The following ZNF695 variants were observed in gnomAD, a reference collection of about 807,000 sequenced individuals.
ZNF695 encodes zinc finger protein SBZF3.
In ZNF695, 11 loss-of-function variants were observed where a neutral mutation model predicts 11.2. The observed-to-expected ratio is 0.98, with a 90% CI of 0.62 to 1.62. The LOEUF is 1.62. ZNF695 is among the 40% of genes most tolerant of loss of function. The probability of loss-of-function intolerance (pLI) is 0.00; values close to 1 mark genes in which losing one functional copy is unlikely to be tolerated. For synonymous variants in ZNF695, 190 were observed against 201.4 expected (o/e 0.94, Z 0.48); for missense variants, 559 against 590.5 (o/e 0.95, Z 0.55).
At chr1:246,972,928 T>A (rs1668463670) in intron 4 of ZNF695, among the ~76,000 whole-genome samples, 1 of 93,266 alleles carries the variant, frequency 1.1e-5, no homozygotes, top group Non-Finnish European at 2.0e-5. Flanking sequence ...ATATTTTTAA[T>A]GTGTATATAT....
At chr1:246,965,401 C>T (rs1160814976) in intron 5 of ZNF695, among the ~76,000 whole-genome samples, 3 of 150,610 alleles carry the variant, frequency 2.0e-5, no homozygotes, top group Admixed American at 6.6e-5. Flanking sequence ...TGAGCTAGCA[C>T]GCTCGGCCCA....
rs576964605 is a variant in ZNF695 at position 247,007,605 on chromosome 1, C to T, written c.3+301G>A. Among the ~76,000 whole-genome samples the T allele has an allele frequency of 7.9e-5, 12 of 152,202 alleles. No homozygotes were observed. The East Asian group carries it at 1.9e-3, about 25-fold the overall frequency. On this transcript the variant is annotated intron_variant, in intron 1 of 3. Coordinates refer to ENST00000339986, the MANE Select transcript of ZNF695 (RefSeq NM_020394.5). ...TCTCCCGACAACCCCTCCGTCATCA[C>T]AGCACAATCCAGGGAAGACGCGGCG...
At chr1:246,984,317 G>A (rs1458773496), downstream of ZNF695, among the ~76,000 whole-genome samples, 4 of 149,578 alleles carry the variant, frequency 2.7e-5, no homozygotes, top group African/African-American at 9.8e-5. Flanking sequence ...GAGCTGGAAT[G>A]CATAAGTAGT....
downstream of ZNF695, among the ~76,000 whole-genome samples, chr1:246,984,188 A>C (rs1000639626): frequency 6.6e-6 from 1 of 150,398 alleles, no homozygotes; most frequent in African/African-American, 2.4e-5. Context: ...AAAAAGAGAA[A>C]GTCCAAATTT....
chr1:247,005,491 AGACCAGCCTGGCCAAGGAGTCC>A (rs1181672161), intron 1 of ZNF695, among the ~76,000 whole-genome samples: 1 of 152,044 alleles, frequency 6.6e-6, no homozygotes, highest in Non-Finnish European at 1.5e-5. Flanking sequence ...CAGGAGTTCG[AGACCAGCCTGGCCAAGGAGTCC>A]GACCAGCCTG....
rs1572523962 is a variant in ZNF695, at chr1:246,985,366, G to A, written c.*1601C>T. The A allele has an allele frequency of 1.0e-6, 1 of 984,624 alleles. No individual in the cohort carries two copies. The highest frequency in any genetic ancestry group is 1.1e-4 in the East Asian group (1 of 8,808). 61.0% of individuals were successfully genotyped at this position (984,624 alleles called of 1,614,324 possible). On this transcript the variant is annotated 3_prime_UTR_variant, in exon 4 of 4. Transcript: ENST00000339986. ...TAGGCTTTATTATAGCCTTAATAAT[G>A]ACACTGTCATTACAAAAAGAGCAAA... is the stretch of plus-strand genomic sequence containing the variant.
Position 247,007,919 on chromosome 1 carries a change from T to C in ZNF695, c.-11A>G. On this transcript the variant is annotated 5_prime_UTR_variant, in exon 1 of 4. Coordinates refer to ENST00000339986, the MANE Select transcript of ZNF695 (RefSeq NM_020394.5). ...CCGCACACTCACCATTTCCCAGCTT[T>C]TGGGGGTCCCAGCGTCCTCCCTATA... 9 of 1,530,678 alleles carry C rather than the reference T, an allele frequency of 5.9e-6. No individual in the cohort carries two copies. Among genetic ancestry groups the C allele is most frequent in the South Asian group, 1.2e-5 (1 of 80,798 alleles). The allele number at this position is 1,530,678 out of a possible 1,614,324, so 94.8% of individuals were successfully genotyped here. A position where few individuals can be genotyped will look rare whatever the true frequency, so the allele number is the denominator to read the frequency against.
intron 5 of ZNF695, among the ~76,000 whole-genome samples, chr1:246,960,897 G>A (rs1410852570): frequency 6.6e-6 from 1 of 152,120 alleles, no homozygotes; most frequent in African/African-American, 2.4e-5. Context: ...CAGCCTGGGT[G>A]GAGACCCTGT....
chr1:247,001,847 C>T (rs938009666), intron 1 of ZNF695, among the ~76,000 whole-genome samples: 1 of 151,450 alleles, frequency 6.6e-6, no homozygotes, highest in African/African-American at 2.4e-5. Context: ...ATTCATAAAA[C>T]TATTTCTTAG....
intron 1 of ZNF695, among the ~76,000 whole-genome samples, chr1:247,005,692 CA>C (rs960549534): frequency 2.0e-5 from 3 of 151,412 alleles, no homozygotes; most frequent in Non-Finnish European, 2.9e-5. Context: ...AACAAACAAA[CA>C]AAAAAAACGA....
chr1:246,976,120 A>T (rs1222859606), intron 4 of ZNF695, among the ~76,000 whole-genome samples: 2 of 152,082 alleles, frequency 1.3e-5, no homozygotes, highest in South Asian at 2.1e-4. Context: ...CAGGGACAAG[A>T]ACTTTATTGG....
downstream of ZNF695, among the ~76,000 whole-genome samples, chr1:246,984,152 C>CAAAAAAAAAAAAA (rs11321674): frequency 2.2e-5 from 2 of 91,644 alleles, no homozygotes; most frequent in Non-Finnish European, 4.0e-5. Context: ...ACCATGTCTC[C>CAAAAAAAAAAAAA]AAAAAAAAAA....
chr1:246,999,573 AC>A, intron 2 of ZNF695, 133 bp from the exon 3 acceptor site: 1 of 703,360 alleles, frequency 1.4e-6, no homozygotes, highest in Non-Finnish European at 2.3e-6. Flanking sequence ...TTCTGACAGA[AC>A]CTTTAATATA....
At chr1:246,973,859 C>G (rs1668489231) in intron 4 of ZNF695, among the ~76,000 whole-genome samples, 1 of 152,036 alleles carries the variant, frequency 6.6e-6, no homozygotes, top group Non-Finnish European at 1.5e-5. Context: ...AAATTATATC[C>G]CACCCATGTA....
rs556009574 is a variant in ZNF695 at position 246,976,571 on chromosome 1, G to T, written c.391-8779C>A. ...GCACTTTGGGAGGCCAAGGCGGGCA[G>T]ATCACGAGGTGAGGAGATCGAGACC... On this transcript the variant is annotated intron_variant, in intron 4 of 5. Coordinates refer to the ZNF695 transcript ENST00000487338. Among the ~76,000 whole-genome samples the T allele has an allele frequency of 2.1e-4, 32 of 151,838 alleles. No individual in the cohort carries two copies. In the South Asian group the frequency reaches 5.0e-3, roughly 24 times the overall value.
intron 1 of ZNF695, among the ~76,000 whole-genome samples, chr1:247,001,739 C>CAAG (rs1407835978): frequency 7.6e-6 from 1 of 130,996 alleles, no homozygotes; most frequent in Non-Finnish European, 1.6e-5. Flanking sequence ...AAAAAAGAAA[C>CAAG]AAGACAAAGA....
intron 1 of ZNF695, among the ~76,000 whole-genome samples, chr1:247,001,549 T>C (rs1242870255): frequency 2.6e-5 from 4 of 151,348 alleles, no homozygotes; most frequent in Non-Finnish European, 2.9e-5. Flanking sequence ...CCATCTCTAC[T>C]AAAACTACAA....
At chr1:246,962,280 T>G (rs963933139) in intron 5 of ZNF695, among the ~76,000 whole-genome samples, 1 of 152,204 alleles carries the variant, frequency 6.6e-6, no homozygotes, top group Non-Finnish European at 1.5e-5. Context: ...CCATCAGCAC[T>G]GGGCCCTCAT....
At chr1:246,996,923 T>G (rs1028122399) in intron 3 of ZNF695, among the ~76,000 whole-genome samples, 3 of 152,230 alleles carry the variant, frequency 2.0e-5, no homozygotes, top group African/African-American at 7.2e-5. Flanking sequence ...TAGATTTATC[T>G]GTAAGTTTGT....
Sources: allele counts gnomAD v4.1 joint callset (sites outside exome capture counted in the v4.1 genomes callset), GRCh38; gene constraint gnomAD v4.1.1; transcripts MANE v1.5; gene names NCBI Gene and HGNC (gene_info 2026-07-23, HGNC 2026-07-21).